Variants in HS6ST3 observed in about 807,000 individuals in gnomAD.
The protein encoded by HS6ST3 is heparan sulfate 6-O-sulfotransferase 3, also known as heparan-sulfate 6-O-sulfotransferase 3.
In HS6ST3, 12 loss-of-function variants were observed where a neutral mutation model predicts 36.7. The observed-to-expected ratio is 0.33, with a 90% CI of 0.21 to 0.53. The LOEUF (loss-of-function observed/expected upper bound fraction) is 0.53, where lower values mean the gene tolerates loss of function less well. Ranked by LOEUF, HS6ST3 falls within the 20% of genes least tolerant of loss-of-function variation. The probability of loss-of-function intolerance (pLI) is 0.95; values close to 1 mark genes in which losing one functional copy is unlikely to be tolerated. For synonymous variants in HS6ST3, 240 were observed against 257.5 expected (o/e 0.93, Z 0.65); for missense variants, 584 against 640.9 (o/e 0.91, Z 0.96).
At chr13:96,728,540 T>G (rs1363205133) in intron 1 of HS6ST3, among the ~76,000 whole-genome samples, 1 of 152,212 alleles carries the variant, frequency 6.6e-6, no homozygotes, top group Non-Finnish European at 1.5e-5. Context: ...ACTCACTGTT[T>G]GAGTAATTTT....
intron 1 of HS6ST3, among the ~76,000 whole-genome samples, chr13:96,309,899 G>A (rs146382481): frequency 1.8e-3 from 269 of 152,204 alleles, no homozygotes; most frequent in African/African-American, 6.2e-3. Context: ...ATAGCTAATA[G>A]TGGGGAAAGA....
chr13:96,599,763 C>A (rs1467096286), intron 1 of HS6ST3, among the ~76,000 whole-genome samples: 4 of 151,956 alleles, frequency 2.6e-5, no homozygotes, highest in African/African-American at 9.7e-5. Context: ...TTTGATGAAG[C>A]ATTAGCATTA....
intron 1 of HS6ST3, among the ~76,000 whole-genome samples, chr13:96,702,399 A>G (rs1282379668): frequency 6.6e-6 from 1 of 152,224 alleles, no homozygotes; most frequent in Non-Finnish European, 1.5e-5. Context: ...CTTTGGGGAC[A>G]ATCTTTCTAT....
At chr13:96,093,876 C>T (rs1164569517) in intron 1 of HS6ST3, among the ~76,000 whole-genome samples, 3 of 152,116 alleles carry the variant, frequency 2.0e-5, no homozygotes, top group Non-Finnish European at 4.4e-5. Context: ...ATGGAGGGTA[C>T]CTTTTCACAA....
At chr13:96,302,387 C>T (rs1055547601) in intron 1 of HS6ST3, among the ~76,000 whole-genome samples, 2 of 151,906 alleles carry the variant, frequency 1.3e-5, no homozygotes, top group Non-Finnish European at 1.5e-5. Context: ...AATTTCATAG[C>T]CTTTTAAAAT....
At chr13:96,374,119 A>G (rs1439689933) in intron 1 of HS6ST3, among the ~76,000 whole-genome samples, 7 of 152,132 alleles carry the variant, frequency 4.6e-5, no homozygotes, top group Non-Finnish European at 2.9e-5. Flanking sequence ...ATGCTTATTA[A>G]TCTGTTGCAC....
At chr13:96,431,560 C>T (rs1423684763) in intron 1 of HS6ST3, among the ~76,000 whole-genome samples, 1 of 152,166 alleles carries the variant, frequency 6.6e-6, no homozygotes, top group Non-Finnish European at 1.5e-5. Flanking sequence ...CTGTGAATTT[C>T]ATTTTTACAT....
intron 1 of HS6ST3, among the ~76,000 whole-genome samples, chr13:96,471,321 T>C (rs1346487487): frequency 6.6e-6 from 1 of 152,158 alleles, no homozygotes; most frequent in Non-Finnish European, 1.5e-5. Context: ...ATAGACCAGA[T>C]TTCCTTCTTC....
chr13:96,798,166 C>CAT (rs1265785202), intron 1 of HS6ST3, among the ~76,000 whole-genome samples: 1 of 152,014 alleles, frequency 6.6e-6, no homozygotes, highest in Non-Finnish European at 1.5e-5. Context: ...AGATGCAAGG[C>CAT]ATATGGGAAG....
intron 1 of HS6ST3, among the ~76,000 whole-genome samples, chr13:96,624,200 A>G (rs1374597675): frequency 2.0e-5 from 3 of 152,150 alleles, no homozygotes; most frequent in Non-Finnish European, 4.4e-5. Context: ...TAAAGTGAAA[A>G]TCTGTATGCC....
chr13:96,628,020 A>G (rs1171052900), intron 1 of HS6ST3, among the ~76,000 whole-genome samples: 4 of 151,744 alleles, frequency 2.6e-5, no homozygotes, highest in Non-Finnish European at 4.4e-5. Context: ...CCAGTTCTTT[A>G]TTCTCTTTGT....
chr13:96,298,290 A>T (rs2054865074), intron 1 of HS6ST3, among the ~76,000 whole-genome samples: 1 of 152,200 alleles, frequency 6.6e-6, no homozygotes, highest in Non-Finnish European at 1.5e-5. Flanking sequence ...AGAGATGCGT[A>T]TGCACTCAGA....
intron 1 of HS6ST3, among the ~76,000 whole-genome samples, chr13:96,406,601 A>C (rs2055479826): frequency 6.6e-6 from 1 of 152,174 alleles, no homozygotes; most frequent in Non-Finnish European, 1.5e-5. Flanking sequence ...CGCTATATTT[A>C]TTCTCAATTT....
At position 96,136,114 on chromosome 13, in the gene HS6ST3, G is replaced by A. The variant is rs572234961; in HGVS notation, c.707+44545G>A. Reference sequence around the variant, plus strand: ...TTAAGGTAAGTTATCACCGTCAGGTGCACCTACAATACACAGGTTTGTTTA... The same window carrying A: ...TTAAGGTAAGTTATCACCGTCAGGTACACCTACAATACACAGGTTTGTTTA... On this transcript the variant is annotated intron_variant, in intron 1 of 1. Coordinates refer to ENST00000376705, the MANE Select transcript of HS6ST3 (RefSeq NM_153456.4). Among the ~76,000 whole-genome samples, 8 of 152,280 alleles carry A rather than the reference G, an allele frequency of 5.3e-5. No homozygotes were observed. In the South Asian group the frequency reaches 1.7e-3, roughly 32 times the overall value.
chr13:96,142,369 G>A (rs2054036159), intron 1 of HS6ST3, among the ~76,000 whole-genome samples: 1 of 151,992 alleles, frequency 6.6e-6, no homozygotes, highest in Admixed American at 6.6e-5. Flanking sequence ...TCATTCTCCT[G>A]GAAAACACTT....
intron 1 of HS6ST3, among the ~76,000 whole-genome samples, chr13:96,510,569 A>G (rs1267538362): frequency 2.6e-5 from 4 of 151,542 alleles, no homozygotes; most frequent in Non-Finnish European, 5.9e-5. Flanking sequence ...AATGATGCCC[A>G]CTCTGTGAGA....
intron 1 of HS6ST3, among the ~76,000 whole-genome samples, chr13:96,775,928 A>G (rs576637805): frequency 6.6e-6 from 1 of 152,212 alleles, no homozygotes; most frequent in Admixed American, 6.5e-5. Flanking sequence ...AAAATTGACC[A>G]CATAATTGGA....
chr13:96,325,614 T>A (rs2055026869), intron 1 of HS6ST3, among the ~76,000 whole-genome samples: 1 of 152,146 alleles, frequency 6.6e-6, no homozygotes, highest in South Asian at 2.1e-4. Context: ...CCATTTTCTG[T>A]CAAAGACTTG....
At chr13:96,251,774 A>G (rs1253570375) in intron 1 of HS6ST3, among the ~76,000 whole-genome samples, 1 of 151,952 alleles carries the variant, frequency 6.6e-6, no homozygotes, top group African/African-American at 2.4e-5. Flanking sequence ...TTATCTCAAG[A>G]TATTTTTTGA....
Sources: gnomAD v4.1 joint callset for allele counts (sites outside exome capture counted in the v4.1 genomes callset) on GRCh38, gnomAD v4.1.1 for gene constraint, MANE v1.5 for transcripts, NCBI Gene and HGNC (gene_info 2026-07-23, HGNC 2026-07-21) for gene names.